EIF3E: variants seen among roughly 807,000 people sequenced by gnomAD.
EIF3E encodes the protein eIF-3 p48.
In EIF3E, 25 loss-of-function variants were observed where a neutral mutation model predicts 59.3. The ratio of observed to expected loss-of-function variants is 0.42; its 90% CI spans 0.31 to 0.59. The LOEUF (loss-of-function observed/expected upper bound fraction) is 0.59. EIF3E is among the 20% of genes least tolerant of loss of function. The pLI is 0.15. For synonymous variants in EIF3E, 176 were observed against 170.2 expected (o/e 1.03, Z -0.26); for missense variants, 317 against 534.3 (o/e 0.59, Z 4.01).
intron 7 of EIF3E, among the ~76,000 whole-genome samples, chr8:108,224,083 G>T (rs1215887992): frequency 6.6e-6 from 1 of 150,654 alleles, no homozygotes; most frequent in Non-Finnish European, 1.5e-5. Flanking sequence ...GTAGCCAGGC[G>T]TGGTGGTGGG....
At position 108,228,325 on chromosome 8, in the gene EIF3E, A is replaced by C. The variant is rs1162994564; in HGVS notation, c.664T>G (p.Phe222Val). 6.2e-7 allele frequency: 1 copy of C among 1,609,510 alleles called. No homozygotes were observed. Residue 222 changes from phenylalanine (F) to valine (V), a missense_variant, in exon 7 of 13, where the codon TTC becomes GTC. Physicochemically the swap from Phe to Val is conservative, Grantham distance 50. Transcript: ENST00000220849. ...TWLIHWSLFVFFNHPKGRDNI... is the reference protein window; with the variant it reads ...TWLIHWSLFVVFNHPKGRDNI... ...TCGCGACCTTTGGGGTGATTGAAGA[A>C]AACAAACAGAGACCAGTGAATGAGC... is the stretch of plus-strand genomic sequence containing the variant.
intron 7 of EIF3E, among the ~76,000 whole-genome samples, chr8:108,226,786 T>C (rs1415892434): frequency 1.3e-5 from 2 of 152,154 alleles, no homozygotes; most frequent in African/African-American, 2.4e-5. Flanking sequence ...ATCCTGTTAA[T>C]GGAATCATTT....
chr8:108,228,159 A>C (rs1815553829), intron 7 of EIF3E, 108 bp downstream of exon 7: 3 of 1,261,094 alleles, frequency 2.4e-6, no homozygotes. Context: ...GAAAAAAAAA[A>C]ACAGGTGACA....
chr8:108,238,633 A>G (rs547815199), intron 3 of EIF3E, among the ~76,000 whole-genome samples: 7 of 152,324 alleles, frequency 4.6e-5, no homozygotes, highest in Admixed American at 4.6e-4. Context: ...TGTATGTAGT[A>G]TATGTCACAG....
At chr8:108,243,811 A>G (rs1183788912) in intron 1 of EIF3E, among the ~76,000 whole-genome samples, 1 of 152,094 alleles carries the variant, frequency 6.6e-6, no homozygotes, top group Non-Finnish European at 1.5e-5. Context: ...AAATTTACCT[A>G]AAAAACCTTA....
chr8:108,248,360 C>T (rs543278977), intron 1 of EIF3E, among the ~76,000 whole-genome samples: 1 of 152,264 alleles, frequency 6.6e-6, no homozygotes, highest in East Asian at 1.9e-4. Flanking sequence ...AAATCCCTCC[C>T]GCACTGACAC....
intron 1 of EIF3E, among the ~76,000 whole-genome samples, chr8:108,246,578 A>C (rs934152617): frequency 6.6e-6 from 1 of 152,178 alleles, no homozygotes; most frequent in Admixed American, 6.5e-5. Context: ...TTGGACGACA[A>C]GGGTTTGAAC....
intron 10 of EIF3E, among the ~76,000 whole-genome samples, chr8:108,208,914 T>A (rs552880018): frequency 1.3e-5 from 2 of 152,236 alleles, no homozygotes; most frequent in South Asian, 4.1e-4. Context: ...AACACAGTAA[T>A]CTTTTTTGAC....
At chr8:108,226,790 A>G (rs1472085200) in intron 7 of EIF3E, among the ~76,000 whole-genome samples, 1 of 152,200 alleles carries the variant, frequency 6.6e-6, no homozygotes, top group East Asian at 1.9e-4. Flanking sequence ...TGTTAATGGA[A>G]TCATTTAAAA....
intron 1 of EIF3E, among the ~76,000 whole-genome samples, chr8:108,246,250 T>C (rs940396375): frequency 7.7e-6 from 1 of 129,218 alleles, no homozygotes; most frequent in South Asian, 2.8e-4. Flanking sequence ...CATGAGTAAC[T>C]GGAACTGCAG....
At chr8:108,214,772 G>A (rs1165977742) in intron 9 of EIF3E, 56 bp from the exon 10 acceptor site, 19 of 1,436,634 alleles carry the variant, frequency 1.3e-5, no homozygotes, top group South Asian at 5.0e-5. Flanking sequence ...TGCCTGAAAC[G>A]TGAATCAAAT....
rs369778201 is a variant in EIF3E, at chr8:108,220,741, G to A, written c.723-3281C>T. The stretch of plus-strand genomic sequence containing the variant: ...TCCTCAACTCAGAGCAACTGTTCTC[G>A]CTGAAAGGTTAATAGTTTTAAACAA... On this transcript the variant is annotated intron_variant, in intron 7 of 12. Coordinates refer to ENST00000220849, the MANE Select transcript of EIF3E (RefSeq NM_001568.3). Among the ~76,000 whole-genome samples the A allele has an allele frequency of 4.6e-5, 7 of 152,188 alleles. No homozygotes were observed. In the South Asian group the frequency reaches 8.3e-4, roughly 18 times the overall value.
intron 3 of EIF3E, among the ~76,000 whole-genome samples, chr8:108,238,891 G>A (rs1047318039): frequency 3.3e-5 from 5 of 152,174 alleles, no homozygotes; most frequent in Non-Finnish European, 1.5e-5. Context: ...ATTTTAGTAA[G>A]AGATTTTATT....
intron 10 of EIF3E, 70 bp downstream of exon 10, chr8:108,214,537 A>C (rs567835555): frequency 1.7e-6 from 2 of 1,195,314 alleles, no homozygotes; most frequent in South Asian, 3.3e-5. Context: ...ATTAAGTGTA[A>C]ATTCACAATA....
intron 5 of EIF3E, 103 bp from the exon 6 acceptor site, chr8:108,229,298 T>C: frequency 1.7e-6 from 2 of 1,156,560 alleles, no homozygotes; most frequent in East Asian, 5.3e-5. Context: ...AAAAGACCTA[T>C]AGCTTTCTAC....
At chr8:108,247,585 C>G (rs972707342) in intron 1 of EIF3E, among the ~76,000 whole-genome samples, 2 of 152,130 alleles carry the variant, frequency 1.3e-5, no homozygotes, top group Non-Finnish European at 2.9e-5. Flanking sequence ...ACCTGTCTAA[C>G]GAGCCACAAC....
At chr8:108,226,833 GT>G (rs1365013193) in intron 7 of EIF3E, among the ~76,000 whole-genome samples, 5 of 152,152 alleles carry the variant, frequency 3.3e-5, no homozygotes, top group African/African-American at 1.2e-4. Flanking sequence ...TCCTCCCTCA[GT>G]TAACTGATCT....
intron 1 of EIF3E, among the ~76,000 whole-genome samples, chr8:108,248,396 T>C (rs1815990488): frequency 6.6e-6 from 1 of 152,122 alleles, no homozygotes; most frequent in South Asian, 2.1e-4. Flanking sequence ...AGACTTCTTT[T>C]CTCTCTCCGT....
At chr8:108,203,949 A>G (rs887174170) in intron 10 of EIF3E, among the ~76,000 whole-genome samples, 1 of 152,288 alleles carries the variant, frequency 6.6e-6, no homozygotes, top group Non-Finnish European at 1.5e-5. Context: ...ACAATAAAAA[A>G]GAATACAAAA....
Sources: gnomAD v4.1 joint callset for allele counts (sites outside exome capture counted in the v4.1 genomes callset) on GRCh38, gnomAD v4.1.1 for gene constraint, MANE v1.5 for transcripts, NCBI Gene and HGNC (gene_info 2026-07-23, HGNC 2026-07-21) for gene names.